Variants in KDM5A observed in about 807,000 individuals in gnomAD.
KDM5A encodes the protein lysine demethylase 5A.
KDM5A carries 42 observed loss-of-function variants against 193.5 expected under a neutral mutation model. The ratio of observed to expected loss-of-function variants is 0.22; its 90% CI spans 0.17 to 0.28. The LOEUF (loss-of-function observed/expected upper bound fraction) is 0.28. Ranked by LOEUF, KDM5A falls within the 10% of genes least tolerant of loss-of-function variation. The pLI, the probability that KDM5A is intolerant of heterozygous loss-of-function variation, is 1.00. For missense variants in KDM5A, 1,692 were observed against 2,055.1 expected (o/e 0.82, Z 3.42); for synonymous variants, 796 against 718.1 (o/e 1.11, Z -1.73).
chr12:344,698 T>C (rs1347245366), intron 10 of KDM5A, among the ~76,000 whole-genome samples: 3 of 152,074 alleles, frequency 2.0e-5, no homozygotes, highest in African/African-American at 7.2e-5. Flanking sequence ...ATAAAATCCT[T>C]TACAGACAAG....
In KDM5A at chr12:289,907, C is replaced by CTTTTTTTTTTTTTTTTT. The variant is rs750918968; in HGVS notation, c.4866+2835_4866+2851dup. 1.7e-3 allele frequency among the ~76,000 whole-genome samples: 170 copies of CTTTTTTTTTTTTTTTTT among 99,606 alleles called. 1 individual carries two copies. Among genetic ancestry groups the CTTTTTTTTTTTTTTTTT allele is most frequent in the East Asian group, 0.013 (29 of 2,250 alleles). The allele number at this position is 99,606 out of a possible 152,430, so 65.3% of individuals were successfully genotyped here. On this transcript the variant is annotated intron_variant, in intron 27 of 27. Transcript: ENST00000399788. ...AAAAAGCATGATTTTTTCTTTCTTT[C>CTTTTTTTTTTTTTTTTT]TTTTTTTTTTTTTTTTTTTTTTTAC... is the stretch of plus-strand genomic sequence containing the variant.
At chr12:336,797 T>TGCA (rs1943939992) in intron 10 of KDM5A, among the ~76,000 whole-genome samples, 1 of 149,466 alleles carries the variant, frequency 6.7e-6, no homozygotes, top group Admixed American at 6.7e-5. Flanking sequence ...ATTGCATCAC[T>TGCA]GCACTCCAGC....
intron 18 of KDM5A, among the ~76,000 whole-genome samples, chr12:320,790 CTTAG>C (rs1417308040): frequency 2.0e-5 from 3 of 151,910 alleles, no homozygotes; most frequent in Non-Finnish European, 2.9e-5. Flanking sequence ...TCATACCAGC[CTTAG>C]TTACAGAATT....
chr12:369,242 G>T (rs1231824780), intron 3 of KDM5A, among the ~76,000 whole-genome samples: 1 of 152,188 alleles, frequency 6.6e-6, no homozygotes, highest in Non-Finnish European at 1.5e-5. Flanking sequence ...AAGACACAAT[G>T]AAAATGGTTT....
At position 295,714 on chromosome 12, in the gene KDM5A, T is replaced by G. The variant is rs200429156; in HGVS notation, c.4314A>C (p.Ser1438=). The change falls in exon 26 of 28, where the codon TCA becomes TCC. Residue 1438 remains serine, a synonymous_variant. Transcript: ENST00000399788. The part of the protein sequence containing the change: ...RSLEPPVLEL[S]PGAKAQLEEL... Reference sequence around the variant, plus strand: ...CTTCCAGTTGTGCCTTAGCTCCAGGTGACAACTCCAGCACTGGAGGTTCCA... The same window carrying G: ...CTTCCAGTTGTGCCTTAGCTCCAGGGGACAACTCCAGCACTGGAGGTTCCA... 496 of 1,614,050 alleles carry G rather than the reference T, an allele frequency of 3.1e-4. 2 individuals carry two copies. Among genetic ancestry groups the G allele is most frequent in the South Asian group, 1.9e-3 (175 of 91,080 alleles).
chr12:320,910 A>G, intron 18 of KDM5A, 85 bp downstream of exon 18: 1 of 956,302 alleles, frequency 1.0e-6, no homozygotes, highest in South Asian at 1.3e-5. Flanking sequence ...GCAAAAAACT[A>G]GTTTAGATAT....
At chr12:371,087 T>TG (rs1441972984) in intron 3 of KDM5A, among the ~76,000 whole-genome samples, 2 of 152,248 alleles carry the variant, frequency 1.3e-5, no homozygotes, top group Admixed American at 1.3e-4. Flanking sequence ...TGTGTGCATG[T>TG]GTCTTTATAA....
In KDM5A at chr12:389,108, G is replaced by GT; in HGVS notation, c.-18_-17insA. The stretch of plus-strand genomic sequence containing the variant: ...GCCCGCCATTGCAACGGCCGGGGGG[G>GT]GGGGGGGGTCCCCGTGGGGAACCGG... On this transcript the variant is annotated 5_prime_UTR_variant, in exon 1 of 28. Coordinates refer to ENST00000399788, the MANE Select transcript of KDM5A (RefSeq NM_001042603.3). 6.3e-7 allele frequency: 1 copy of GT among 1,598,080 alleles called. No homozygotes were observed. Among genetic ancestry groups the GT allele is most frequent in the Non-Finnish European group, 8.5e-7 (1 of 1,171,728 alleles).
Position 283,508 on chromosome 12 carries a change from G to A in KDM5A, c.*1948C>T, listed in dbSNP as rs182983628. 89 of 232,988 alleles carry A rather than the reference G, an allele frequency of 3.8e-4. No individual in the cohort carries two copies. In the East Asian group the frequency reaches 5.2e-3, roughly 14 times the overall value. 14.4% of individuals were successfully genotyped at this position (232,988 alleles called of 1,614,324 possible). On this transcript the variant is annotated 3_prime_UTR_variant, in exon 28 of 28. Transcript: ENST00000399788. ...TAAAAAGTAGGTAGTATGAACTTCA[G>A]AGAAAACATTTACAGAAATTGGATT...
chr12:320,376 A>T (rs745893367), intron 18 of KDM5A, among the ~76,000 whole-genome samples: 4 of 151,974 alleles, frequency 2.6e-5, no homozygotes, highest in African/African-American at 9.7e-5. Context: ...CATTCCTCCA[A>T]TCCCAGCTAC....
intron 3 of KDM5A, among the ~76,000 whole-genome samples, chr12:367,426 G>C (rs59314636): frequency 0.039 from 5,994 of 152,144 alleles, 370 homozygotes; most frequent in African/African-American, 0.13. Flanking sequence ...GTTGGGCAGG[G>C]TGGCTTATGC....
Position 323,639 on chromosome 12 carries a change from G to C in KDM5A, c.2111C>G (p.Thr704Ser), listed in dbSNP as rs1022237810. The change falls in exon 15 of 28, where the codon ACT (threonine) becomes AGT (serine). Residue 704 changes from threonine to serine, a missense_variant. Thr to Ser is a moderately conservative substitution (Grantham distance 58). Coordinates refer to ENST00000399788, the MANE Select transcript of KDM5A (RefSeq NM_001042603.3). The stretch of plus-strand genomic sequence containing the variant: ...CTGCATGGGGCAGGGGCACAGATCA[G>C]TTGGATGGTAGAGACATACAAGCCG... ...PERLVCLYHP[T>S]DLCPCPMQKK... 2 of 1,614,186 alleles carry C rather than the reference G, an allele frequency of 1.2e-6. No homozygotes were observed. The highest frequency in any genetic ancestry group is 1.7e-6 in the Non-Finnish European group (2 of 1,180,016).
In KDM5A at chr12:323,061, T is replaced by A. The variant is rs371422272; in HGVS notation, c.2275+21A>T. The A allele has an allele frequency of 2.5e-6, 4 of 1,613,424 alleles. No homozygotes were observed. The Admixed American group carries it at 5.0e-5, about 20-fold the overall frequency. ...AGTGACAATCAATTCAGTATATGCA[T>A]ACAAAAGAAGGAAATTTAACCTTTT... On this transcript the variant is annotated intron_variant, in intron 16 of 27. Transcript: ENST00000399788.
rs1360331513 is a variant in KDM5A, at chr12:307,693, C to A, written c.3691G>T (p.Val1231Leu). 6.2e-7 allele frequency: 1 copy of A among 1,614,114 alleles called. No individual in the cohort carries two copies. The highest frequency in any genetic ancestry group is 1.7e-5 in the Admixed American group (1 of 60,012). The change falls in exon 23 of 28, where the codon GTA (valine) becomes TTA (leucine). Residue 1231 changes from valine (V) to leucine (L), a missense_variant. Val to Leu is a conservative substitution (Grantham distance 32). Around this residue, in one of 11 missense-constraint regions of KDM5A, gnomAD observed 965 missense variants for 1,061.0 expected, o/e 0.91. Transcript: ENST00000399788. This position sits in a 1 kb window ranked among gnomAD's most constrained non-coding sequence, Gnocchi z 4.3. ...PRLETILSLL[V>L]SLQKLPVRLP... ...CGTACGGGCAACTTCTGAAGGGATACCAGGAGTGACAGAATAGTCTCTAGC... is the reference window on the plus strand; with the variant it reads ...CGTACGGGCAACTTCTGAAGGGATAACAGGAGTGACAGAATAGTCTCTAGC...
Position 352,155 on chromosome 12 carries a change from A to G in KDM5A, c.1149+50T>C, listed in dbSNP as rs377549516. ...AGAGGAAACTGAAGGCTTTGTACTC[A>G]GGTAAATCTTTGTACCTCCCCGGAC... On this transcript the variant is annotated intron_variant, in intron 9 of 27. Coordinates refer to ENST00000399788, the MANE Select transcript of KDM5A (RefSeq NM_001042603.3). The G allele has an allele frequency of 2.6e-6, 3 of 1,175,540 alleles. No homozygotes were observed. In the South Asian group the frequency reaches 3.6e-5, roughly 14 times the overall value. The allele number at this position is 1,175,540 out of a possible 1,614,324, so 72.8% of individuals were successfully genotyped here.
At chr12:353,853 T>C (rs1055469772) in intron 8 of KDM5A, among the ~76,000 whole-genome samples, 13 of 139,078 alleles carry the variant, frequency 9.3e-5, no homozygotes, top group African/African-American at 1.6e-4. Context: ...ACCCGGGAGG[T>C]GGAGGTTGCA....
intron 27 of KDM5A, among the ~76,000 whole-genome samples, chr12:290,550 T>C (rs530273548): frequency 6.6e-6 from 1 of 152,310 alleles, no homozygotes; most frequent in East Asian, 1.9e-4. Flanking sequence ...AAAATACCTA[T>C]AATATTAGGA....
At chr12:336,753 T>C (rs1298374217) in intron 10 of KDM5A, among the ~76,000 whole-genome samples, 1 of 151,624 alleles carries the variant, frequency 6.6e-6, no homozygotes, top group Non-Finnish European at 1.5e-5. Flanking sequence ...AGGCAGTGCT[T>C]GAACCCAGGA....
At chr12:349,750 T>C (rs920738508) in intron 10 of KDM5A, among the ~76,000 whole-genome samples, 2 of 151,878 alleles carry the variant, frequency 1.3e-5, no homozygotes, top group South Asian at 4.2e-4. Flanking sequence ...CTGTCACTCC[T>C]GGCTTCAGGC....
Sources: gnomAD v4.1 joint callset for allele counts (sites outside exome capture counted in the v4.1 genomes callset) on GRCh38, gnomAD v4.1.1 for gene constraint, gnomAD v4.1.1 regional missense constraint, Gnocchi (gnomAD v3.1) non-coding constraint, MANE v1.5 for transcripts, NCBI Gene and HGNC (gene_info 2026-07-23, HGNC 2026-07-21) for gene names.